ACSM3: variants seen among roughly 807,000 people sequenced by gnomAD.
ACSM3 encodes the protein acyl-coenzyme A synthetase ACSM3, mitochondrial.
In ACSM3, 61 loss-of-function variants were observed where a neutral mutation model predicts 74.1. That is an observed-to-expected ratio of 0.82 (90% CI 0.67 to 1.02). The LOEUF (loss-of-function observed/expected upper bound fraction) is 1.02, where lower values mean the gene tolerates loss of function less well. Among genes scored for constraint, ACSM3 ranks in the 50% least tolerant of loss-of-function variants. The pLI, the probability that ACSM3 is intolerant of heterozygous loss-of-function variation, is 0.00. For synonymous variants in ACSM3, 213 were observed against 241.5 expected, an observed-to-expected ratio of 0.88 and a Z score of 1.09; for missense variants, 660 against 697.0, an observed-to-expected ratio of 0.95 and a Z score of 0.60.
At chr16:20,699,058 G>C (rs887596309) in intron 1 of ACSM3, among the ~76,000 whole-genome samples, 4 of 152,138 alleles carry the variant, frequency 2.6e-5, no homozygotes, top group Non-Finnish European at 4.4e-5. Flanking sequence ...TCCAACCTCA[G>C]GCACTCACAA....
At chr16:20,781,676 A>C in intron 6 of ACSM3, 32 bp from the exon 7 acceptor site, 1 of 1,530,372 alleles carries the variant, frequency 6.5e-7, no homozygotes, top group Non-Finnish European at 9.1e-7. Flanking sequence ...AAGTTGTAGT[A>C]AGACCAAGAG....
chr16:20,767,516 C>CAAAAA lies in ACSM3; in HGVS notation c.-51-2443_-51-2439dup, dbSNP rs772094919. 8.9e-4 allele frequency among the ~76,000 whole-genome samples: 4 copies of CAAAAA among 4,490 alleles called. 1 individual carries two copies. The highest frequency in any genetic ancestry group is 1.6e-3 in the Non-Finnish European group (4 of 2,574). The allele number at this position is 4,490 out of a possible 152,430, so 2.9% of individuals were successfully genotyped here. ...TGGGCGACAGAGCGAGACTCCGTCTCAAAAAAAAAAAAAAAAAAAAAAAAA... is the reference window on the plus strand; with the variant it reads ...TGGGCGACAGAGCGAGACTCCGTCTCAAAAAAAAAAAAAAAAAAAAAAAAAAAAAA... On this transcript the variant is annotated intron_variant, in intron 1 of 13. Coordinates refer to ENST00000289416, the MANE Select transcript of ACSM3 (RefSeq NM_005622.4).
At chr16:20,703,925 A>C (rs1042605919) in intron 1 of ACSM3, 2 of 152,238 alleles carry the variant, frequency 1.3e-5, no homozygotes, top group South Asian at 2.1e-4. Flanking sequence ...AATGAGAAAA[A>C]AATTGTAAAA....
upstream of ACSM3, among the ~76,000 whole-genome samples, chr16:20,759,854 C>A (rs1025664963): frequency 6.6e-6 from 1 of 152,142 alleles, no homozygotes; most frequent in Non-Finnish European, 1.5e-5. Context: ...TCTTATGACA[C>A]TTGAAGTGGG....
Position 20,792,255 on chromosome 16 carries a change from G to T in ACSM3, c.1474G>T (p.Glu492Ter), listed in dbSNP as rs937905737. ...TTCTAGCTATCGAATTGGACCATTT[G>T]AGGTAGAAAATGCCCTGAATGAACA... The part of the protein sequence containing the change: ...LSSGYRIGPF[E>*]VENALNEHPS... The change falls in exon 12 of 14, where the codon GAG becomes TAG. Residue 492 changes from glutamate (E) to a stop codon, truncating the protein, a stop_gained. Coordinates refer to ENST00000289416, the MANE Select transcript of ACSM3 (RefSeq NM_005622.4). LOFTEE classifies it high-confidence loss of function. 6.2e-7 allele frequency: 1 copy of T among 1,614,114 alleles called. No individual in the cohort carries two copies. Among genetic ancestry groups the T allele is most frequent in the Non-Finnish European group, 8.5e-7 (1 of 1,179,984 alleles).
At chr16:20,772,610 G>C (rs1400699358) in intron 2 of ACSM3, among the ~76,000 whole-genome samples, 1 of 152,158 alleles carries the variant, frequency 6.6e-6, no homozygotes, top group African/African-American at 2.4e-5. Flanking sequence ...ATGTACTGAA[G>C]AGGATATCCT....
intron 1 of ACSM3, among the ~76,000 whole-genome samples, chr16:20,747,686 G>T (rs2079963576): frequency 6.6e-6 from 1 of 152,196 alleles, no homozygotes; most frequent in Admixed American, 6.5e-5. Flanking sequence ...TCCAAAGAAT[G>T]AATCACCAAT....
intron 2 of ACSM3, among the ~76,000 whole-genome samples, chr16:20,774,529 C>G (rs2080232302): frequency 6.6e-6 from 1 of 152,248 alleles, no homozygotes; most frequent in South Asian, 2.1e-4. Flanking sequence ...GCATGAGCCA[C>G]TGCGCCTGGC....
At chr16:20,700,991 G>C (rs940789258) in intron 1 of ACSM3, among the ~76,000 whole-genome samples, 2 of 152,118 alleles carry the variant, frequency 1.3e-5, no homozygotes, top group Non-Finnish European at 2.9e-5. Flanking sequence ...TAAGCAGACG[G>C]ATATGGGATA....
At chr16:20,718,503 A>C (rs990061633) in intron 1 of ACSM3, 1 of 330,862 alleles carries the variant, frequency 3.0e-6, no homozygotes, top group African/African-American at 2.2e-5. Flanking sequence ...GGTAGGGAAG[A>C]AAACTCTGGT....
intron 4 of ACSM3, 168 bp from the exon 5 acceptor site, chr16:20,780,546 T>C: frequency 7.0e-7 from 1 of 1,434,810 alleles, no homozygotes; most frequent in Non-Finnish European, 9.5e-7. Flanking sequence ...AGAAAGCACC[T>C]AAAAGGATAG....
At chr16:20,781,672 T>A (rs760264524) in intron 6 of ACSM3, 36 bp from the exon 7 acceptor site, 3 of 1,485,252 alleles carry the variant, frequency 2.0e-6, no homozygotes, top group Non-Finnish European at 2.8e-6. Flanking sequence ...ATTTAAGTTG[T>A]AGTAAGACCA....
intron 1 of ACSM3, chr16:20,749,615 G>C (rs1182891467): frequency 6.6e-6 from 1 of 152,422 alleles, no homozygotes. Flanking sequence ...AGTAGAGACA[G>C]ATGGCAAGGC....
At chr16:20,734,109 CAAATAA>C (rs16417) in intron 1 of ACSM3, 19,536 of 152,248 alleles carry the variant, frequency 0.13, 1,299 homozygotes, top group East Asian at 0.21. Flanking sequence ...TTACCAAATA[CAAATAA>C]ATATAAAAGA....
At chr16:20,693,528 C>A (rs2079674090) in intron 1 of ACSM3, among the ~76,000 whole-genome samples, 1 of 152,190 alleles carries the variant, frequency 6.6e-6, no homozygotes. Flanking sequence ...CTCTTGCTCA[C>A]TTTCAACAAT....
chr16:20,737,245 T>C, intron 1 of ACSM3: 1 of 1,613,990 alleles, frequency 6.2e-7, no homozygotes, highest in Admixed American at 1.7e-5. Flanking sequence ...TGTGGATTGG[T>C]GAGATCCACT....
At chr16:20,773,186 G>C (rs999551916) in intron 2 of ACSM3, among the ~76,000 whole-genome samples, 5 of 151,976 alleles carry the variant, frequency 3.3e-5, no homozygotes, top group African/African-American at 1.2e-4. Flanking sequence ...AGTCTTTAAT[G>C]ATCTTTTGTA....
At chr16:20,792,373 G>C (rs1298471948) in intron 12 of ACSM3, 38 bp downstream of exon 12, 1 of 1,610,160 alleles carries the variant, frequency 6.2e-7, no homozygotes, top group Non-Finnish European at 8.5e-7. Context: ...ATAATTTGTT[G>C]GCAATTTAAC....
At chr16:20,765,805 C>A (rs1221228287) in intron 1 of ACSM3, among the ~76,000 whole-genome samples, 1 of 152,164 alleles carries the variant, frequency 6.6e-6, no homozygotes, top group African/African-American at 2.4e-5. Flanking sequence ...TAAATAACTG[C>A]AAAATGCTTA....
Sources: gnomAD v4.1 joint callset for allele counts (sites outside exome capture counted in the v4.1 genomes callset) on GRCh38, gnomAD v4.1.1 for gene constraint, MANE v1.5 for transcripts, NCBI Gene and HGNC (gene_info 2026-07-23, HGNC 2026-07-21) for gene names.